Variants in LCA5 observed in about 807,000 individuals in gnomAD.
LCA5 encodes lebercilin LCA5, also known as lebercilin.
LCA5 carries 37 observed loss-of-function variants against 53.0 expected under a neutral mutation model. The observed-to-expected ratio is 0.70, with a 90% CI of 0.54 to 0.92. The LOEUF is 0.92. Ranked by LOEUF, LCA5 falls within the 40% of genes least tolerant of loss-of-function variation. The probability of loss-of-function intolerance (pLI) is 0.00; values close to 1 mark genes in which losing one functional copy is unlikely to be tolerated. For missense variants in LCA5, 806 were observed against 790.5 expected (o/e 1.02, Z -0.23); for synonymous variants, 303 against 282.9 (o/e 1.07, Z -0.71).
chr6:79,490,598 T>C (rs1769810540), intron 6 of LCA5, among the ~76,000 whole-genome samples: 1 of 152,134 alleles, frequency 6.6e-6, no homozygotes, highest in Non-Finnish European at 1.5e-5. Flanking sequence ...CAAATCAACA[T>C]GATCTAGTCT....
At chr6:79,538,037 T>G (rs1020454150), upstream of LCA5, among the ~76,000 whole-genome samples, 1 of 139,096 alleles carries the variant, frequency 7.2e-6, no homozygotes, top group Non-Finnish European at 1.5e-5. Context: ...TTTTTTTTTT[T>G]TTTTTTTTTT....
At chr6:79,533,451 GC>G (rs766928526) in intron 1 of LCA5, among the ~76,000 whole-genome samples, 1 of 151,832 alleles carries the variant, frequency 6.6e-6, no homozygotes, top group Non-Finnish European at 1.5e-5. Flanking sequence ...AAAATTATAA[GC>G]CTTGTGCACA....
intron 3 of LCA5, 122 bp downstream of exon 3, chr6:79,513,090 C>G (rs1582639717): frequency 1.0e-6 from 1 of 981,062 alleles, no homozygotes; most frequent in African/African-American, 1.6e-5. Context: ...CAAAACAGTA[C>G]TAAAAATAGT....
intron 3 of LCA5, among the ~76,000 whole-genome samples, chr6:79,510,479 T>C (rs185901995): frequency 4.9e-4 from 74 of 152,044 alleles, no homozygotes; most frequent in Admixed American, 1.2e-3. Flanking sequence ...AGCTGGGAGA[T>C]GAAAAAATAG....
At chr6:79,514,319 C>T (rs1458920977) in intron 2 of LCA5, among the ~76,000 whole-genome samples, 1 of 151,908 alleles carries the variant, frequency 6.6e-6, no homozygotes, top group Non-Finnish European at 1.5e-5. Flanking sequence ...GAGATACCGT[C>T]GCACATCAGT....
In LCA5 at chr6:79,491,716, C is replaced by G. The variant is rs1444579890; in HGVS notation, c.970G>C (p.Asp324His). Reference protein sequence around the residue: ...ALRKNAACQSDFADLCTKGVQ... With the variant: ...ALRKNAACQSHFADLCTKGVQ... The stretch of plus-strand genomic sequence containing the variant: ...CCTTTTGTACACAGGTCTGCAAAAT[C>G]ACTCTGGCATGCAGCTACAGTGAAA... The change falls in exon 6 of 8, where the codon GAT becomes CAT. Residue 324 changes from aspartate (D) to histidine (H), a missense_variant. Transcript: ENST00000369846. 6.2e-7 allele frequency: 1 copy of G among 1,612,850 alleles called. No homozygotes were observed.
intron 1 of LCA5, among the ~76,000 whole-genome samples, chr6:79,528,437 G>A (rs754560249): frequency 6.6e-6 from 1 of 152,096 alleles, no homozygotes; most frequent in African/African-American, 2.4e-5. Context: ...AGGAACCTCC[G>A]TAACCTGTTA....
intron 1 of LCA5, among the ~76,000 whole-genome samples, chr6:79,536,553 T>C (rs1160388206): frequency 6.6e-6 from 1 of 152,238 alleles, no homozygotes; most frequent in African/African-American, 2.4e-5. Flanking sequence ...AACTCGAGTA[T>C]GCCAAAAAGG....
At chr6:79,512,291 G>A (rs973198338) in intron 3 of LCA5, among the ~76,000 whole-genome samples, 6 of 152,036 alleles carry the variant, frequency 3.9e-5, no homozygotes, top group Non-Finnish European at 8.8e-5. Flanking sequence ...TCTGTGCACT[G>A]AAACAGAAGA....
intron 3 of LCA5, among the ~76,000 whole-genome samples, chr6:79,494,443 C>T (rs79755324): frequency 0.017 from 2,602 of 151,978 alleles, 70 homozygotes; most frequent in African/African-American, 0.059. Context: ...TTTAAAATAA[C>T]TTGTCAAGAC....
Position 79,489,227 on chromosome 6 carries a change from T to G in LCA5, c.1099-11A>C. Reference sequence around the variant, plus strand: ...TTGAGATTGCAAGTCCTATTATACGTTAAAAAAAATGCAAGTTCACAAATT... The same window carrying G: ...TTGAGATTGCAAGTCCTATTATACGGTAAAAAAAATGCAAGTTCACAAATT... On this transcript the variant is annotated splice_polypyrimidine_tract_variant and intron_variant, in intron 6 of 7. Transcript: ENST00000369846. The G allele has an allele frequency of 6.2e-7, 1 of 1,609,298 alleles. No homozygotes were observed. Among genetic ancestry groups the G allele is most frequent in the Non-Finnish European group, 8.5e-7 (1 of 1,179,262 alleles).
At chr6:79,492,474 C>T (rs1375823510) in intron 5 of LCA5, 77 bp downstream of exon 5, 6 of 660,206 alleles carry the variant, frequency 9.1e-6, no homozygotes, top group Admixed American at 5.4e-5. Context: ...TTTTCCTTCC[C>T]TTCCATTTCA....
At chr6:79,492,851 A>G (rs921943565) in intron 4 of LCA5, among the ~76,000 whole-genome samples, 2 of 152,078 alleles carry the variant, frequency 1.3e-5, no homozygotes, top group Non-Finnish European at 2.9e-5. Context: ...AAAGTCTAAT[A>G]TGTCCTGGAA....
chr6:79,517,572 A>C (rs1766475464), intron 2 of LCA5, among the ~76,000 whole-genome samples: 1 of 152,134 alleles, frequency 6.6e-6, no homozygotes, highest in Admixed American at 6.5e-5. Context: ...AGAGACCAAA[A>C]TAACAACAAC....
In LCA5 at chr6:79,537,380, G is replaced by C. The variant is rs891668589; in HGVS notation, c.-407C>G. ...GAGGCGAGGATCGGGGCTCCTGGGT[G>C]GCAGCGGCGGTAACCTGGGCTCCAG... On this transcript the variant is annotated 5_prime_UTR_variant, in exon 1 of 8. Transcript: ENST00000369846. 1 of 152,758 alleles carries C rather than the reference G, an allele frequency of 6.5e-6. No individual in the cohort carries two copies. The highest frequency in any genetic ancestry group is 1.9e-4 in the East Asian group (1 of 5,212). The allele number at this position is 152,758 out of a possible 1,614,324, so 9.5% of individuals were successfully genotyped here.
intron 3 of LCA5, among the ~76,000 whole-genome samples, chr6:79,511,107 T>C (rs982108765): frequency 2.6e-5 from 4 of 151,590 alleles, no homozygotes; most frequent in African/African-American, 9.7e-5. Context: ...CAAACATACA[T>C]TTATCATAAA....
intron 3 of LCA5, among the ~76,000 whole-genome samples, chr6:79,498,803 T>C (rs1290545856): frequency 1.3e-5 from 2 of 152,028 alleles, no homozygotes; most frequent in African/African-American, 2.4e-5. Flanking sequence ...AAATGAGGAA[T>C]AAATCCAGTT....
chr6:79,518,848 GC>G lies in LCA5; in HGVS notation c.46del (p.Ala16GlnfsTer95). ...GSPGTDQERK[A>X]GKHHYSYLSD... ...TAAGTAAGAATAATGGTGTTTGCCT[GC>G]CTTTCTTTCTTGATCAGTACCTGGA... On this transcript the variant is annotated frameshift_variant, in exon 2 of 8. Transcript: ENST00000369846. LOFTEE classifies it high-confidence loss of function. 1.9e-6 allele frequency: 3 copies of G among 1,614,138 alleles called. No individual in the cohort carries two copies. The highest frequency in any genetic ancestry group is 2.5e-6 in the Non-Finnish European group (3 of 1,180,008).
Position 79,518,932 on chromosome 6 carries a change from G to C in LCA5, c.-38C>G. On this transcript the variant is annotated 5_prime_UTR_variant, in exon 2 of 8. The change creates a new upstream start codon in the 5' untranslated region. Coordinates refer to ENST00000369846, the MANE Select transcript of LCA5 (RefSeq NM_001122769.3). ...TGGTCTCTATTCACATAATTTCACAGATTATTTTCTCCAGAGGAGACTATG... is the reference window on the plus strand; with the variant it reads ...TGGTCTCTATTCACATAATTTCACACATTATTTTCTCCAGAGGAGACTATG... 2.5e-6 allele frequency: 4 copies of C among 1,589,930 alleles called. No homozygotes were observed. Among genetic ancestry groups the C allele is most frequent in the African/African-American group, 1.3e-5 (1 of 74,572 alleles).
Sources: allele counts gnomAD v4.1 joint callset (sites outside exome capture counted in the v4.1 genomes callset), GRCh38; gene constraint gnomAD v4.1.1; transcripts MANE v1.5; gene names NCBI Gene and HGNC (gene_info 2026-07-23, HGNC 2026-07-21).